STAT3: variants seen among roughly 807,000 people sequenced by gnomAD.
The protein encoded by STAT3 is signal transducer and activator of transcription 3.
A neutral mutation model predicts 114.3 loss-of-function variants in STAT3; 7 were observed. The observed-to-expected ratio is 0.06, with a 90% CI of 0.03 to 0.11. The LOEUF (loss-of-function observed/expected upper bound fraction) is 0.11, where lower values mean the gene tolerates loss of function less well. Among genes scored for constraint, STAT3 ranks in the 10% least tolerant of loss-of-function variants. STAT3 has a pLI of 1.00. For synonymous variants in STAT3, 331 were observed against 354.5 expected (o/e 0.93, Z 0.74); for missense variants, 364 against 960.9 (o/e 0.38, Z 8.21).
Position 42,337,376 on chromosome 17 carries a change from AAGATC to A in STAT3, c.797+54_797+58del. On this transcript the variant is annotated intron_variant, in intron 8 of 23. Transcript: ENST00000264657. The surrounding 1 kb of genome is among the most constrained non-coding windows in gnomAD (Gnocchi z 4.0). Reference sequence around the variant, plus strand: ...GTACCAATTCTGTGGGCCTGCAGTTAAGATCAGAATTCAATCTAGCTTTCGAGAAA... The same window carrying A: ...GTACCAATTCTGTGGGCCTGCAGTTAAGAATTCAATCTAGCTTTCGAGAAA... The A allele has an allele frequency of 1.9e-6, 3 of 1,603,356 alleles. No homozygotes were observed. The highest frequency in any genetic ancestry group is 2.6e-6 in the Non-Finnish European group (3 of 1,172,576).
chr17:42,353,478 T>A (rs2083077523), intron 1 of STAT3, among the ~76,000 whole-genome samples: 1 of 152,056 alleles, frequency 6.6e-6, no homozygotes, highest in African/African-American at 2.4e-5. Context: ...CTCTAGACAA[T>A]GTAGCCAAAA....
Position 42,337,401 on chromosome 17 carries a change from G to A in STAT3, c.797+34C>T, listed in dbSNP as rs2082273194. The A allele has an allele frequency of 6.2e-6, 10 of 1,610,908 alleles. No homozygotes were observed. The highest frequency in any genetic ancestry group is 1.3e-5 in the African/African-American group (1 of 74,948). ...AAGATCAGAATTCAATCTAGCTTTC[G>A]AGAAAGAAAGGAAAAGCTTCTTTCA... On this transcript the variant is annotated intron_variant, in intron 8 of 23. Transcript: ENST00000264657. This position sits in a 1 kb window ranked among gnomAD's most constrained non-coding sequence, Gnocchi z 4.0.
chr17:42,329,772 A>G lies in STAT3; in HGVS notation c.1114T>C (p.Ser372Pro). 6.2e-7 allele frequency: 1 copy of G among 1,614,238 alleles called. No homozygotes were observed. The highest frequency in any genetic ancestry group is 1.3e-5 in the African/African-American group (1 of 75,066). The change falls in exon 12 of 24, where the codon TCT becomes CCT. Residue 372 changes from serine to proline, a missense_variant. Coordinates refer to ENST00000264657, the MANE Select transcript of STAT3 (RefSeq NM_139276.3). ...CCTCTGAGAGCTGCAACGTCCCCAG[A>G]GTCTCTGTAAGAACACAGACTGTTG... ...LKIKVCIDKD[S>P]GDVAALRGSR...
chr17:42,323,714 C>T, intron 17 of STAT3, 89 bp from the exon 18 acceptor site: 1 of 1,184,766 alleles, frequency 8.4e-7, no homozygotes, highest in Non-Finnish European at 1.2e-6. Context: ...ACATTCATCC[C>T]ACAATGGGCC....
chr17:42,322,632 T>G, intron 20 of STAT3, 138 bp from the exon 21 acceptor site: 1 of 945,300 alleles, frequency 1.1e-6, no homozygotes, highest in Non-Finnish European at 1.7e-6. Flanking sequence ...CCCTGTTCAG[T>G]GGCCTGGCAC....
chr17:42,381,495 G>A (rs1252306407), intron 1 of STAT3, among the ~76,000 whole-genome samples: 1 of 152,092 alleles, frequency 6.6e-6, no homozygotes, highest in Non-Finnish European at 1.5e-5. Context: ...GGAGGCCGAG[G>A]CAGGCGGATC....
intron 1 of STAT3, among the ~76,000 whole-genome samples, chr17:42,381,101 TAA>T (rs2084766216): frequency 6.6e-6 from 1 of 152,136 alleles, no homozygotes; most frequent in Non-Finnish European, 1.5e-5. Context: ...GCCCAAGGTC[TAA>T]GAGAAGGCAG....
intron 1 of STAT3, among the ~76,000 whole-genome samples, chr17:42,370,024 T>C (rs986097111): frequency 6.6e-6 from 1 of 152,010 alleles, no homozygotes; most frequent in Non-Finnish European, 1.5e-5. Context: ...CAGACTAGAG[T>C]GCGGTGGCGA....
intron 4 of STAT3, among the ~76,000 whole-genome samples, chr17:42,343,102 G>A (rs145817821): frequency 1.1e-4 from 17 of 149,876 alleles, no homozygotes; most frequent in Middle Eastern, 3.4e-3. Flanking sequence ...GGCCCAGGTG[G>A]TTGAGGCTGC....
At chr17:42,345,436 G>A (rs1001998975) in intron 4 of STAT3, 123 bp downstream of exon 4, 27 of 798,178 alleles carry the variant, frequency 3.4e-5, no homozygotes, top group Non-Finnish European at 5.0e-5. Flanking sequence ...GTATTTTTAT[G>A]ATTATTGATC....
chr17:42,386,086 C>G lies in STAT3; in HGVS notation c.-24+2193G>C, dbSNP rs547710156. Reference sequence around the variant, plus strand: ...CACAAGGTCAGGAGTTCAAGACCAGCCTGGCCAATATGGTAAAACCCCGGT... The same window carrying G: ...CACAAGGTCAGGAGTTCAAGACCAGGCTGGCCAATATGGTAAAACCCCGGT... On this transcript the variant is annotated intron_variant, in intron 1 of 23. Coordinates refer to ENST00000264657, the MANE Select transcript of STAT3 (RefSeq NM_139276.3). Among the ~76,000 whole-genome samples the G allele has an allele frequency of 3.9e-5, 6 of 152,164 alleles. No individual in the cohort carries two copies. In the South Asian group the frequency reaches 1.2e-3, roughly 32 times the overall value.
At chr17:42,378,482 A>G (rs2084596614) in intron 1 of STAT3, among the ~76,000 whole-genome samples, 1 of 152,074 alleles carries the variant, frequency 6.6e-6, no homozygotes, top group Non-Finnish European at 1.5e-5. Flanking sequence ...CCTGACCTCA[A>G]GCAATCCACA....
intron 1 of STAT3, among the ~76,000 whole-genome samples, chr17:42,384,793 C>T (rs1483126333): frequency 6.6e-6 from 1 of 150,956 alleles, no homozygotes; most frequent in Non-Finnish European, 1.5e-5. Flanking sequence ...TGGGCTCAAG[C>T]AATCCTCCTG....
chr17:42,370,983 A>T (rs1050400906), intron 1 of STAT3, among the ~76,000 whole-genome samples: 1 of 152,174 alleles, frequency 6.6e-6, no homozygotes, highest in Non-Finnish European at 1.5e-5. Context: ...TTAGCCTAAC[A>T]TAAAGCAGAA....
chr17:42,376,985 C>T (rs1335740249), intron 1 of STAT3, among the ~76,000 whole-genome samples: 1 of 152,188 alleles, frequency 6.6e-6, no homozygotes, highest in Non-Finnish European at 1.5e-5. Flanking sequence ...TAAAAAGCCA[C>T]ATTTCCAAAT....
intron 14 of STAT3, among the ~76,000 whole-genome samples, chr17:42,328,137 G>A (rs2081820771): frequency 6.6e-6 from 1 of 151,776 alleles, no homozygotes; most frequent in African/African-American, 2.4e-5. Context: ...AAATATCACA[G>A]AGACAGTCTA....
At chr17:42,365,100 G>A (rs1164962152) in intron 1 of STAT3, among the ~76,000 whole-genome samples, 1 of 152,108 alleles carries the variant, frequency 6.6e-6, no homozygotes, top group Non-Finnish European at 1.5e-5. Context: ...GAGAGGAGGG[G>A]GTCTTTGTTC....
intron 8 of STAT3, among the ~76,000 whole-genome samples, chr17:42,334,723 G>A (rs534121364): frequency 6.6e-6 from 1 of 152,130 alleles, no homozygotes. Context: ...GGCATTACAG[G>A]TGTGAGCCAC....
At chr17:42,350,890 T>C (rs1443870750) in intron 1 of STAT3, among the ~76,000 whole-genome samples, 2 of 152,040 alleles carry the variant, frequency 1.3e-5, no homozygotes, top group Non-Finnish European at 2.9e-5. Flanking sequence ...CCCAGAACTT[T>C]GGGAGGCCAA....
Sources: gnomAD v4.1 joint callset for allele counts (sites outside exome capture counted in the v4.1 genomes callset) on GRCh38, gnomAD v4.1.1 for gene constraint, Gnocchi (gnomAD v3.1) non-coding constraint, MANE v1.5 for transcripts, NCBI Gene and HGNC (gene_info 2026-07-23, HGNC 2026-07-21) for gene names.